NUFIP1: variants seen among roughly 807,000 people sequenced by gnomAD.
NUFIP1 encodes nuclear FMR1 interacting protein 1, also known as FMR1-interacting protein NUFIP1.
NUFIP1 carries 38 observed loss-of-function variants against 56.2 expected under a neutral mutation model. The observed-to-expected ratio is 0.68, with a 90% CI of 0.52 to 0.89. The LOEUF is 0.89. Among genes scored for constraint, NUFIP1 ranks in the 40% least tolerant of loss-of-function variants. The pLI is 0.00. For synonymous variants in NUFIP1, 215 were observed against 212.4 expected, an observed-to-expected ratio of 1.01 and a Z score of -0.10; for missense variants, 567 against 605.8, an observed-to-expected ratio of 0.94 and a Z score of 0.67.
At chr13:44,966,968 C>A (rs1593365051) in intron 5 of NUFIP1, among the ~76,000 whole-genome samples, 1 of 149,748 alleles carries the variant, frequency 6.7e-6, no homozygotes, top group Non-Finnish European at 1.5e-5. Context: ...GCAAGACTCC[C>A]CCTCAAAACA....
intron 8 of NUFIP1, among the ~76,000 whole-genome samples, chr13:44,948,128 C>T (rs1870956028): frequency 6.7e-6 from 1 of 148,850 alleles, no homozygotes; most frequent in African/African-American, 2.5e-5. Flanking sequence ...CCATCTCCAT[C>T]AAACTACATT....
At chr13:44,946,221 T>A (rs2137891797) in intron 8 of NUFIP1, among the ~76,000 whole-genome samples, 1 of 152,296 alleles carries the variant, frequency 6.6e-6, no homozygotes, top group Non-Finnish European at 1.5e-5. Flanking sequence ...GACTAACATT[T>A]ATATTTTTCT....
chr13:44,976,412 AAGAAG>A (rs986150642), intron 5 of NUFIP1, among the ~76,000 whole-genome samples: 15 of 151,792 alleles, frequency 9.9e-5, no homozygotes, highest in Admixed American at 2.0e-4. Flanking sequence ...AAGGAAGAGG[AAGAAG>A]AGAAGAGGAG....
intron 9 of NUFIP1, among the ~76,000 whole-genome samples, chr13:44,943,157 G>A (rs1870799839): frequency 6.6e-6 from 1 of 151,886 alleles, no homozygotes; most frequent in African/African-American, 2.4e-5. Context: ...TGCTTTCACT[G>A]GAAACTTAAA....
Position 44,989,232 on chromosome 13 carries a change from T to TG in NUFIP1, c.204dup (p.Met69HisfsTer32), listed in dbSNP as rs765016323. The TG allele has an allele frequency of 5.0e-6, 8 of 1,612,354 alleles. No homozygotes were observed. Among genetic ancestry groups the TG allele is most frequent in the South Asian group, 2.2e-5 (2 of 90,856 alleles). On this transcript the variant is annotated frameshift_variant, in exon 1 of 10. Transcript: ENST00000379161. LOFTEE classifies it high-confidence loss of function. ...GCCCCGGGGAGAGACTGGGCCTCCATGGGGGGCTGCGACTCAGAGGAAGGC... is the reference window on the plus strand; with the variant it reads ...GCCCCGGGGAGAGACTGGGCCTCCATGGGGGGGCTGCGACTCAGAGGAAGGC...
In NUFIP1 at chr13:44,989,237, G is replaced by C; in HGVS notation, c.200C>G (p.Pro67Arg). Reference protein sequence around the residue: ...AGSKPSSESQPPMEAQSLPGA... With the variant: ...AGSKPSSESQRPMEAQSLPGA... ...GGGGAGAGACTGGGCCTCCATGGGGGGCTGCGACTCAGAGGAAGGCTTTGA... is the reference window on the plus strand; with the variant it reads ...GGGGAGAGACTGGGCCTCCATGGGGCGCTGCGACTCAGAGGAAGGCTTTGA... The change falls in exon 1 of 10, where the codon CCC becomes CGC. Residue 67 changes from proline to arginine, a missense_variant. Transcript: ENST00000379161. 5 of 1,612,774 alleles carry C rather than the reference G, an allele frequency of 3.1e-6. No individual in the cohort carries two copies. Among genetic ancestry groups the C allele is most frequent in the Non-Finnish European group, 4.2e-6 (5 of 1,179,432 alleles).
intron 5 of NUFIP1, among the ~76,000 whole-genome samples, chr13:44,970,428 G>A (rs1871761985): frequency 6.6e-6 from 1 of 152,184 alleles, no homozygotes; most frequent in African/African-American, 2.4e-5. Context: ...CTTACTCTGT[G>A]AAATCTTTCA....
intron 1 of NUFIP1, among the ~76,000 whole-genome samples, chr13:44,982,872 A>T (rs1872242636): frequency 6.6e-6 from 1 of 152,120 alleles, no homozygotes; most frequent in Non-Finnish European, 1.5e-5. Context: ...GCTTGGCATG[A>T]TGGCATGCAC....
rs1316953701 is a variant in NUFIP1 at position 44,939,343 on chromosome 13, G to A, written c.*1863C>T. 2 of 152,054 alleles carry A rather than the reference G, an allele frequency of 1.3e-5. No homozygotes were observed. The highest frequency in any genetic ancestry group is 3.8e-4 in the East Asian group (2 of 5,198). 9.4% of individuals were successfully genotyped at this position (152,054 alleles called of 1,614,324 possible). A position where few individuals can be genotyped will look rare whatever the true frequency, so the allele number is the denominator to read the frequency against. On this transcript the variant is annotated 3_prime_UTR_variant, in exon 10 of 10. Coordinates refer to ENST00000379161, the MANE Select transcript of NUFIP1 (RefSeq NM_012345.3). ...AGGAAAATAGAAGTCAATTATAGAG[G>A]ATATGAGAAAAAGTAAAGTATTTCA... is the stretch of plus-strand genomic sequence containing the variant.
At chr13:44,987,861 A>G (rs1368779704) in intron 1 of NUFIP1, among the ~76,000 whole-genome samples, 2 of 152,194 alleles carry the variant, frequency 1.3e-5, no homozygotes, top group African/African-American at 4.8e-5. Flanking sequence ...TCACAACAGT[A>G]AAAGTCAAAG....
At chr13:44,961,778 A>G (rs1015836921) in intron 6 of NUFIP1, among the ~76,000 whole-genome samples, 1 of 152,206 alleles carries the variant, frequency 6.6e-6, no homozygotes, top group Non-Finnish European at 1.5e-5. Context: ...CCATTCACGG[A>G]TGCCTTCCCC....
At chr13:44,986,058 G>T (rs1010967398) in intron 1 of NUFIP1, among the ~76,000 whole-genome samples, 2 of 152,062 alleles carry the variant, frequency 1.3e-5, no homozygotes, top group African/African-American at 4.8e-5. Flanking sequence ...TGGGCTCAAG[G>T]GATCCTCCTG....
At chr13:44,971,163 A>C (rs572208615) in intron 5 of NUFIP1, among the ~76,000 whole-genome samples, 2 of 152,276 alleles carry the variant, frequency 1.3e-5, no homozygotes, top group South Asian at 2.1e-4. Flanking sequence ...CTATGGAAGA[A>C]CCTCAGATGA....
intron 7 of NUFIP1, 82 bp downstream of exon 7, chr13:44,959,299 T>C: frequency 1.5e-6 from 2 of 1,321,786 alleles, no homozygotes; most frequent in African/African-American, 1.5e-5. Context: ...TATTAAACTT[T>C]CCACAAGCAA....
intron 6 of NUFIP1, among the ~76,000 whole-genome samples, chr13:44,964,521 ACCTGGTAGAAT>A (rs1304098609): frequency 2.0e-5 from 3 of 152,332 alleles, no homozygotes; most frequent in African/African-American, 7.2e-5. Context: ...TCCAGATGGG[ACCTGGTAGAAT>A]CCCTGAATTG....
Position 44,989,448 on chromosome 13 carries a change from G to A in NUFIP1, c.-12C>T, listed in dbSNP as rs557834010. 2.5e-5 allele frequency: 41 copies of A among 1,611,778 alleles called. No individual in the cohort carries two copies. The South Asian group carries it at 3.9e-4, about 15-fold the overall frequency. On this transcript the variant is annotated 5_prime_UTR_variant, in exon 1 of 10. Transcript: ENST00000379161. ...GTCGGCTCAGCCATACCACTGGCGG[G>A]TCCGGAGTCTAGCACGCGACTGTGG... is the stretch of plus-strand genomic sequence containing the variant.
intron 6 of NUFIP1, among the ~76,000 whole-genome samples, chr13:44,962,349 T>C (rs1871452153): frequency 6.6e-6 from 1 of 152,218 alleles, no homozygotes; most frequent in Admixed American, 6.5e-5. Flanking sequence ...TATCATAAGT[T>C]AGGTGATTGT....
intron 7 of NUFIP1, among the ~76,000 whole-genome samples, chr13:44,956,412 G>A (rs182321779): frequency 7.4e-4 from 113 of 152,258 alleles, no homozygotes; most frequent in African/African-American, 2.6e-3. Context: ...GACAGAGGGT[G>A]GGGGGTGGAT....
chr13:44,941,437 GTATTA>G, intron 9 of NUFIP1, 115 bp from the exon 10 acceptor site: 1 of 588,636 alleles, frequency 1.7e-6, no homozygotes, highest in Non-Finnish European at 3.0e-6. Flanking sequence ...TAAGAAATAT[GTATTA>G]TATTCACTAT....
Sources: allele counts gnomAD v4.1 joint callset (sites outside exome capture counted in the v4.1 genomes callset), GRCh38; gene constraint gnomAD v4.1.1; transcripts MANE v1.5; gene names NCBI Gene and HGNC (gene_info 2026-07-23, HGNC 2026-07-21).